Variants in FUT8 observed in about 807,000 individuals in gnomAD.
FUT8 encodes the protein alpha-(1,6)-fucosyltransferase.
Under a neutral mutation model 71.3 loss-of-function variants are expected in FUT8, and 29 were observed. The ratio of observed to expected loss-of-function variants is 0.41; its 90% CI spans 0.30 to 0.55. FUT8 has a LOEUF of 0.55. Among genes scored for constraint, FUT8 ranks in the 20% least tolerant of loss-of-function variants. The pLI, the probability that FUT8 is intolerant of heterozygous loss-of-function variation, is 0.34. For missense variants in FUT8, 544 were observed against 702.1 expected (o/e 0.77, Z 2.55); for synonymous variants, 254 against 239.3 (o/e 1.06, Z -0.57).
chr14:65,627,465 A>G lies in FUT8; in HGVS notation c.483-2027A>G, dbSNP rs1889958344. Reference sequence around the variant, plus strand: ...TGTAAGAGGCCAAGCGGGCGACTTGAGAGGGTCAAGTGTGCTGTCTGACCA... The same window carrying G: ...TGTAAGAGGCCAAGCGGGCGACTTGGGAGGGTCAAGTGTGCTGTCTGACCA... On this transcript the variant is annotated intron_variant, in intron 5 of 10. Transcript: ENST00000673929. This position sits in a 1 kb window ranked among gnomAD's most constrained non-coding sequence, Gnocchi z 4.0. 6.6e-6 allele frequency among the ~76,000 whole-genome samples: 1 copy of G among 152,218 alleles called. No homozygotes were observed. Among genetic ancestry groups the G allele is most frequent in the African/African-American group, 2.4e-5 (1 of 41,458 alleles).
At chr14:65,632,578 TC>T (rs886155030) in intron 6 of FUT8, among the ~76,000 whole-genome samples, 2 of 152,160 alleles carry the variant, frequency 1.3e-5, no homozygotes, top group African/African-American at 4.8e-5. Context: ...ATTTTTTTTT[TC>T]TTACTGGTTT....
At chr14:65,481,635 A>T (rs975181998) in intron 2 of FUT8, among the ~76,000 whole-genome samples, 1 of 152,114 alleles carries the variant, frequency 6.6e-6, no homozygotes, top group African/African-American at 2.4e-5. Context: ...CCTTGTCTCC[A>T]GGAAAATCCT....
chr14:65,693,971 G>A (rs992001370), intron 7 of FUT8, among the ~76,000 whole-genome samples: 1 of 152,102 alleles, frequency 6.6e-6, no homozygotes, highest in Non-Finnish European at 1.5e-5. Flanking sequence ...CAAATTTGTG[G>A]GTACAGTGTT....
chr14:65,507,354 C>T (rs533000069), intron 2 of FUT8, among the ~76,000 whole-genome samples: 61 of 152,256 alleles, frequency 4.0e-4, no homozygotes, highest in African/African-American at 1.3e-3. Flanking sequence ...GATTGAACCC[C>T]AGTAATTGAT....
intron 2 of FUT8, among the ~76,000 whole-genome samples, chr14:65,481,188 G>T (rs1333744937): frequency 6.6e-6 from 1 of 151,872 alleles, no homozygotes; most frequent in African/African-American, 2.4e-5. Context: ...GTTTTGATTT[G>T]CATTTTTGAA....
intron 9 of FUT8, among the ~76,000 whole-genome samples, chr14:65,728,743 G>T (rs1428890144): frequency 5.9e-5 from 9 of 152,138 alleles, no homozygotes; most frequent in Non-Finnish European, 1.0e-4. Flanking sequence ...ACAATAGCTT[G>T]CTGTACAGGT....
intron 2 of FUT8, among the ~76,000 whole-genome samples, chr14:65,478,766 C>G (rs1308365263): frequency 6.6e-6 from 1 of 152,178 alleles, no homozygotes; most frequent in African/African-American, 2.4e-5. Flanking sequence ...GATATGTTTT[C>G]TTTGTCTTCC....
intron 8 of FUT8, 86 bp from the exon 9 acceptor site, chr14:65,724,061 G>A (rs1399722561): frequency 1.0e-6 from 1 of 967,002 alleles, no homozygotes; most frequent in East Asian, 2.8e-5. Flanking sequence ...TGCCTATAAT[G>A]CCACCATAAG....
At chr14:65,584,005 G>A (rs1438258545) in intron 3 of FUT8, among the ~76,000 whole-genome samples, 3 of 151,976 alleles carry the variant, frequency 2.0e-5, no homozygotes, top group African/African-American at 7.3e-5. Context: ...TCAGCTTCCC[G>A]AGTAGCTGGG....
At chr14:65,513,794 C>T (rs182900567) in intron 2 of FUT8, among the ~76,000 whole-genome samples, 7 of 152,310 alleles carry the variant, frequency 4.6e-5, no homozygotes, top group Admixed American at 2.6e-4. Context: ...ACTGTAAGCA[C>T]GTGCTTCACC....
At chr14:65,535,573 C>T (rs975484157) in intron 2 of FUT8, among the ~76,000 whole-genome samples, 42 of 152,186 alleles carry the variant, frequency 2.8e-4, no homozygotes, top group African/African-American at 8.7e-4. Flanking sequence ...GTTTTATTTC[C>T]ATGTAATTAT....
chr14:65,362,961 CAAAAAAAA>C, the FUT8 span, among the ~76,000 whole-genome samples: 38 of 69,368 alleles, frequency 5.5e-4, no homozygotes, highest in African/African-American at 2.0e-3. Flanking sequence ...GACTCTGTTT[CAAAAAAAA>C]AAAAAAAAAA....
chr14:65,577,542 T>C (rs1407752612), intron 3 of FUT8, among the ~76,000 whole-genome samples: 1 of 152,154 alleles, frequency 6.6e-6, no homozygotes, highest in East Asian at 1.9e-4. Flanking sequence ...AATAAACAGA[T>C]TTTTAGCTGC....
intron 2 of FUT8, among the ~76,000 whole-genome samples, chr14:65,491,141 G>A (rs563724925): frequency 9.2e-5 from 14 of 152,160 alleles, no homozygotes; most frequent in Non-Finnish European, 1.8e-4. Context: ...GGGTAGACAA[G>A]GTGCAAATAT....
intron 10 of FUT8, 89 bp from the exon 11 acceptor site, chr14:65,742,004 T>C: frequency 9.5e-7 from 1 of 1,052,474 alleles, no homozygotes; most frequent in Non-Finnish European, 1.4e-6. Context: ...CTCTTACTCC[T>C]AGAGCCCATC....
chr14:65,630,227 G>C (rs1890113015), intron 6 of FUT8, among the ~76,000 whole-genome samples: 1 of 152,070 alleles, frequency 6.6e-6, no homozygotes, highest in Non-Finnish European at 1.5e-5. Context: ...AGGCAGTAAG[G>C]GGTCACTGAA....
At chr14:65,402,790 TGCCCGCCTGGA>T in the FUT8 span, among the ~76,000 whole-genome samples, 1 of 152,170 alleles carries the variant, frequency 6.6e-6, no homozygotes, top group Non-Finnish European at 1.5e-5. Context: ...TGAGCCACTG[TGCCCGCCTGGA>T]GTATATTTTA....
intron 7 of FUT8, among the ~76,000 whole-genome samples, chr14:65,713,663 C>A (rs1211748771): frequency 6.6e-6 from 1 of 152,104 alleles, no homozygotes; most frequent in African/African-American, 2.4e-5. Flanking sequence ...ATACCTGTTT[C>A]CCATTTGTAC....
intron 3 of FUT8, among the ~76,000 whole-genome samples, chr14:65,611,170 C>A (rs1266608489): frequency 7.3e-6 from 1 of 136,686 alleles, no homozygotes; most frequent in African/African-American, 2.6e-5. Flanking sequence ...TAAGTTGTTA[C>A]ATTTTAAGTG....
Sources: gnomAD v4.1 joint callset for allele counts (sites outside exome capture counted in the v4.1 genomes callset) on GRCh38, gnomAD v4.1.1 for gene constraint, Gnocchi (gnomAD v3.1) non-coding constraint, MANE v1.5 for transcripts, NCBI Gene and HGNC (gene_info 2026-07-23, HGNC 2026-07-21) for gene names.